Variants in DERA observed in about 807,000 individuals in gnomAD.
DERA encodes the protein 2-deoxy-D-ribose 5-phosphate aldolase.
Under a neutral mutation model 41.1 loss-of-function variants are expected in DERA, and 15 were observed. The ratio of observed to expected loss-of-function variants is 0.37; its 90% CI spans 0.24 to 0.56. The LOEUF (loss-of-function observed/expected upper bound fraction) is 0.56. Among genes scored for constraint, DERA ranks in the 20% least tolerant of loss-of-function variants. DERA has a pLI of 0.81. For synonymous variants in DERA, 139 were observed against 137.4 expected (o/e 1.01, Z -0.08); for missense variants, 396 against 403.4 (o/e 0.98, Z 0.16).
chr12:15,949,650 G>A (rs1292578024), intron 1 of DERA, among the ~76,000 whole-genome samples: 8 of 152,148 alleles, frequency 5.3e-5, no homozygotes, highest in Non-Finnish European at 1.2e-4. Context: ...TGCTTCCTGG[G>A]TGAGGTGATG....
Position 16,014,653 on chromosome 12 carries a change from T to C in DERA, c.638-17889T>C, listed in dbSNP as rs1292694943. Among the ~76,000 whole-genome samples the C allele has an allele frequency of 6.6e-6, 1 of 151,828 alleles. No homozygotes were observed. The highest frequency in any genetic ancestry group is 6.6e-5 in the Admixed American group (1 of 15,242). On this transcript the variant is annotated intron_variant, in intron 6 of 8. Transcript: ENST00000428559. The surrounding 1 kb of genome is among the most constrained non-coding windows in gnomAD (Gnocchi z 5.4). ...GTGGAAGGGAAATGTGGGGTTGGAG[T>C]CTCCACACAGAGTCCCCACTGGGGC...
rs1417102161 is a variant in DERA at position 15,921,874 on chromosome 12, C to T, written c.31+10460C>T. Among the ~76,000 whole-genome samples, 1 of 151,914 alleles carries T rather than the reference C, an allele frequency of 6.6e-6. No homozygotes were observed. The highest frequency in any genetic ancestry group is 2.1e-4 in the South Asian group (1 of 4,816). ...CCAGGAGGCAGAGGTTGCAGTGAGC[C>T]GAGATCACGCCATTGCACTCCAGCC... is the stretch of plus-strand genomic sequence containing the variant. On this transcript the variant is annotated intron_variant, in intron 1 of 8. Coordinates refer to ENST00000428559, the MANE Select transcript of DERA (RefSeq NM_015954.4). The surrounding 1 kb of genome is among the most constrained non-coding windows in gnomAD (Gnocchi z 5.3).
chr12:15,937,483 C>T (rs1337262890), intron 1 of DERA, among the ~76,000 whole-genome samples: 2 of 152,196 alleles, frequency 1.3e-5, no homozygotes, highest in Non-Finnish European at 2.9e-5. Flanking sequence ...CCGCTTTGAC[C>T]TGCATGTCCT....
chr12:16,030,428 C>G (rs1002919557), intron 6 of DERA, among the ~76,000 whole-genome samples: 1 of 152,102 alleles, frequency 6.6e-6, no homozygotes. Flanking sequence ...GCTTTAATCT[C>G]TTCTTTTTGA....
intron 5 of DERA, among the ~76,000 whole-genome samples, chr12:15,977,691 C>A (rs1948707151): frequency 6.6e-6 from 1 of 152,192 alleles, no homozygotes. Flanking sequence ...CTCCTGACCT[C>A]AGGTGATCCA....
At chr12:16,032,356 AG>A (rs1251866217) in intron 6 of DERA, among the ~76,000 whole-genome samples, 185 bp from the exon 7 acceptor site, 1 of 152,176 alleles carries the variant, frequency 6.6e-6, no homozygotes. Flanking sequence ...AGTGATGGTA[AG>A]GGGGAAAAAG....
intron 1 of DERA, among the ~76,000 whole-genome samples, chr12:15,916,601 C>T (rs539876488): frequency 6.6e-6 from 1 of 152,088 alleles, no homozygotes; most frequent in African/African-American, 2.4e-5. Flanking sequence ...CAGGCATGCG[C>T]CACCATGCCC....
chr12:15,964,388 A>G (rs931196163), intron 5 of DERA, among the ~76,000 whole-genome samples: 2 of 152,158 alleles, frequency 1.3e-5, no homozygotes, highest in African/African-American at 2.4e-5. Context: ...TTCCCCATTA[A>G]TACTCATCAA....
At chr12:15,937,768 T>A (rs1592007201) in intron 1 of DERA, among the ~76,000 whole-genome samples, 3 of 152,200 alleles carry the variant, frequency 2.0e-5, no homozygotes, top group Admixed American at 2.0e-4. Flanking sequence ...GTTTATCAAG[T>A]AGTAGTTACT....
intron 6 of DERA, among the ~76,000 whole-genome samples, chr12:16,024,054 T>C (rs1210629016): frequency 6.6e-6 from 1 of 152,066 alleles, no homozygotes; most frequent in Non-Finnish European, 1.5e-5. Context: ...AGGAAAAAAA[T>C]CAGTGACCTT....
intron 1 of DERA, among the ~76,000 whole-genome samples, chr12:15,950,005 C>T (rs1361692159): frequency 5.3e-5 from 8 of 152,114 alleles, no homozygotes; most frequent in Non-Finnish European, 8.8e-5. Flanking sequence ...GCCTACTTTC[C>T]CCTGATTACA....
intron 5 of DERA, among the ~76,000 whole-genome samples, chr12:15,978,835 T>C (rs1948715441): frequency 6.6e-6 from 1 of 152,182 alleles, no homozygotes; most frequent in African/African-American, 2.4e-5. Context: ...ACCAACAACT[T>C]TGAAAACAGG....
intron 6 of DERA, among the ~76,000 whole-genome samples, chr12:16,030,188 T>C (rs960869584): frequency 6.6e-5 from 10 of 151,464 alleles, no homozygotes; most frequent in African/African-American, 2.2e-4. Context: ...AGCCTCGGCC[T>C]CCCAAAGTGC....
rs80212670 is a variant in DERA at position 15,915,582 on chromosome 12, A to T, written c.31+4168A>T. Among the ~76,000 whole-genome samples, 445 of 152,318 alleles carry T rather than the reference A, an allele frequency of 2.9e-3. 1 individual carries two copies. Among genetic ancestry groups the T allele is most frequent in the African/African-American group, 9.9e-3 (411 of 41,574 alleles). ...AGTGCTAGGATTATAGGCATGAGCC[A>T]CCGTGCATGGCCTAGAATGGCATCT... On this transcript the variant is annotated intron_variant, in intron 1 of 8. Transcript: ENST00000428559. This position sits in a 1 kb window ranked among gnomAD's most constrained non-coding sequence, Gnocchi z 4.8.
intron 6 of DERA, among the ~76,000 whole-genome samples, chr12:15,987,992 A>G (rs1592036601): frequency 6.6e-6 from 1 of 151,770 alleles, no homozygotes; most frequent in Admixed American, 6.6e-5. Context: ...CCAGGTGCAG[A>G]CTCCATGCGA....
In DERA at chr12:15,921,020, G is replaced by A. The variant is rs1591998429; in HGVS notation, c.31+9606G>A. 6.7e-6 allele frequency among the ~76,000 whole-genome samples: 1 copy of A among 149,358 alleles called. No individual in the cohort carries two copies. The highest frequency in any genetic ancestry group is 1.5e-5 in the Non-Finnish European group (1 of 66,392). ...AGAGAATCTTTAATTACGAGCTATT[G>A]TTTTTTTGATAAATCTTATGTCATT... On this transcript the variant is annotated intron_variant, in intron 1 of 8. Coordinates refer to ENST00000428559, the MANE Select transcript of DERA (RefSeq NM_015954.4). The surrounding 1 kb of genome is among the most constrained non-coding windows in gnomAD (Gnocchi z 5.3).
rs193145546 is a variant in DERA at position 15,944,197 on chromosome 12, A to C, written c.32-12739A>C. On this transcript the variant is annotated intron_variant, in intron 1 of 8. Coordinates refer to ENST00000428559, the MANE Select transcript of DERA (RefSeq NM_015954.4). ...AGTGCCGCAATGAACATACATGTGC[A>C]TGTGTCTTTATAGCAGCATGATTTA... is the stretch of plus-strand genomic sequence containing the variant. Among the ~76,000 whole-genome samples, 1,050 of 152,236 alleles carry C rather than the reference A, an allele frequency of 6.9e-3. 18 individuals carry two copies. The highest frequency in any genetic ancestry group is 0.024 in the African/African-American group (1,010 of 41,518).
rs943512895 is a variant in DERA at position 15,993,989 on chromosome 12, A to G, written c.637+11553A>G. On this transcript the variant is annotated intron_variant, in intron 6 of 8. Transcript: ENST00000428559. This position sits in a 1 kb window ranked among gnomAD's most constrained non-coding sequence, Gnocchi z 4.4. Reference sequence around the variant, plus strand: ...GTTGGGCTTCTGTGAAGAAAGAAAAAGAGAGAAAAGAAAAAGCTTAGTTTT... The same window carrying G: ...GTTGGGCTTCTGTGAAGAAAGAAAAGGAGAGAAAAGAAAAAGCTTAGTTTT... 1.3e-5 allele frequency among the ~76,000 whole-genome samples: 2 copies of G among 152,202 alleles called. No individual in the cohort carries two copies. The highest frequency in any genetic ancestry group is 2.9e-5 in the Non-Finnish European group (2 of 68,030).
Position 16,019,185 on chromosome 12 carries a change from C to A in DERA, c.638-13357C>A, listed in dbSNP as rs988184798. On this transcript the variant is annotated intron_variant, in intron 6 of 8. Coordinates refer to ENST00000428559, the MANE Select transcript of DERA (RefSeq NM_015954.4). The surrounding 1 kb of genome is among the most constrained non-coding windows in gnomAD (Gnocchi z 4.4). ...AAAACAAAAGTGTGTCCTACTTAGT[C>A]CCATTGGAAAATCCATTTTTCTTTT... 2.6e-5 allele frequency among the ~76,000 whole-genome samples: 4 copies of A among 152,136 alleles called. No individual in the cohort carries two copies. Among genetic ancestry groups the A allele is most frequent in the African/African-American group, 7.2e-5 (3 of 41,442 alleles).
Sources: allele counts gnomAD v4.1 joint callset (sites outside exome capture counted in the v4.1 genomes callset), GRCh38; gene constraint gnomAD v4.1.1; non-coding constraint Gnocchi (gnomAD v3.1); transcripts MANE v1.5; gene names NCBI Gene and HGNC (gene_info 2026-07-23, HGNC 2026-07-21).